The following RUFY1 variants were observed in gnomAD, a reference collection of about 807,000 sequenced individuals.
RUFY1 encodes RUN and FYVE domain containing 1.
RUFY1 carries 54 observed loss-of-function variants against 94.6 expected under a neutral mutation model. The observed-to-expected ratio is 0.57, with a 90% CI of 0.46 to 0.72. The LOEUF (loss-of-function observed/expected upper bound fraction) is 0.72, where lower values mean the gene tolerates loss of function less well. Ranked by LOEUF, RUFY1 falls within the 30% of genes least tolerant of loss-of-function variation. The pLI is 0.00. For synonymous variants in RUFY1, 396 were observed against 347.3 expected (o/e 1.14, Z -1.56); for missense variants, 883 against 883.9 (o/e 1.00, Z 0.01).
At chr5:179,576,956 C>G in intron 5 of RUFY1, 119 bp from the exon 6 acceptor site, 1 of 722,306 alleles carries the variant, frequency 1.4e-6, no homozygotes, top group South Asian at 1.7e-5. Context: ...ATAGAGCTGG[C>G]TGACCTAAAT....
chr5:179,559,770 C>G, intron 1 of RUFY1: 1 of 1,202,154 alleles, frequency 8.3e-7, no homozygotes, highest in Non-Finnish European at 1.0e-6. Context: ...CGCGCGGAGC[C>G]GTCTGGGAGA....
At chr5:179,595,627 C>T (rs1231262999) in intron 12 of RUFY1, among the ~76,000 whole-genome samples, 2 of 151,728 alleles carry the variant, frequency 1.3e-5, no homozygotes, top group African/African-American at 4.8e-5. Flanking sequence ...TCTCAGCTCA[C>T]CGCAATCTCT....
chr5:179,599,351 T>C (rs1339186485), intron 14 of RUFY1: 1 of 152,812 alleles, frequency 6.5e-6, no homozygotes, highest in African/African-American at 2.4e-5. Flanking sequence ...GGTGGTAGGC[T>C]CGCAGGAGAG....
intron 8 of RUFY1, among the ~76,000 whole-genome samples, chr5:179,587,136 C>T (rs1764668028): frequency 6.6e-6 from 1 of 151,766 alleles, no homozygotes; most frequent in African/African-American, 2.4e-5. Context: ...TTACTGTAAC[C>T]TCAGACTTCT....
intron 3 of RUFY1, among the ~76,000 whole-genome samples, chr5:179,566,467 G>A (rs1348257319): frequency 2.6e-5 from 4 of 151,888 alleles, no homozygotes; most frequent in Non-Finnish European, 5.9e-5. Context: ...TTAGCTGGGC[G>A]TGGTGGCAGG....
intron 15 of RUFY1, 49 bp from the exon 16 acceptor site, chr5:179,605,827 A>AGGGT: frequency 1.3e-5 from 14 of 1,104,822 alleles, no homozygotes; most frequent in East Asian, 2.3e-5. Context: ...AGGGATTCAG[A>AGGGT]GCCTCACTCT....
At chr5:179,600,768 C>G (rs9763010) in intron 14 of RUFY1, among the ~76,000 whole-genome samples, 1 of 127,262 alleles carries the variant, frequency 7.9e-6, no homozygotes, top group South Asian at 2.5e-4. Flanking sequence ...GTGATCTCGG[C>G]TCACTGCAAC....
intron 11 of RUFY1, 132 bp downstream of exon 11, chr5:179,593,777 A>G: frequency 7.2e-7 from 1 of 1,381,200 alleles, no homozygotes; most frequent in Non-Finnish European, 9.6e-7. Context: ...CCTAGGACCT[A>G]TTATGATTTT....
chr5:179,599,431 C>T (rs1344933726), intron 14 of RUFY1: 1 of 152,550 alleles, frequency 6.6e-6, no homozygotes, highest in Non-Finnish European at 1.5e-5. Context: ...TGCCCAGGGT[C>T]GGGTCATCCC....
At chr5:179,589,995 C>T (rs1764915738) in intron 9 of RUFY1, among the ~76,000 whole-genome samples, 1 of 152,210 alleles carries the variant, frequency 6.6e-6, no homozygotes, top group Non-Finnish European at 1.5e-5. Context: ...TTCCATGATA[C>T]AGTCCCTTTG....
rs1767552924 is a variant in RUFY1, at chr5:179,609,847, A to G, written c.*328A>G. On this transcript the variant is annotated 3_prime_UTR_variant, in exon 18 of 18. Transcript: ENST00000319449. ...TTACAGCAGTTCAGTTCTGCTAGTGAGTAGTTTTCCTCTCCTACCTTCCTT... is the reference window on the plus strand; with the variant it reads ...TTACAGCAGTTCAGTTCTGCTAGTGGGTAGTTTTCCTCTCCTACCTTCCTT... 4.6e-6 allele frequency: 1 copy of G among 216,916 alleles called. No homozygotes were observed. Among genetic ancestry groups the G allele is most frequent in the East Asian group, 1.1e-4 (1 of 8,886 alleles). 13.4% of individuals were successfully genotyped at this position (216,916 alleles called of 1,614,324 possible).
intron 14 of RUFY1, among the ~76,000 whole-genome samples, chr5:179,599,101 G>A (rs547529207): frequency 1.8e-3 from 269 of 152,360 alleles, no homozygotes; most frequent in African/African-American, 6.2e-3. Context: ...GGGAGCGACC[G>A]GTGAGCAGAG....
chr5:179,561,225 AAAT>A (rs1022646630), intron 2 of RUFY1, among the ~76,000 whole-genome samples: 1 of 99,078 alleles, frequency 1.0e-5, no homozygotes, highest in African/African-American at 3.6e-5. Context: ...ATAAATAAAT[AAAT>A]AAATTAATTA....
chr5:179,572,689 C>T (rs993148060), intron 5 of RUFY1: 16 of 170,554 alleles, frequency 9.4e-5, no homozygotes, highest in Non-Finnish European at 1.1e-4. Flanking sequence ...AGCCTGGTAG[C>T]GACAATGAAG....
chr5:179,559,520 C>T (rs769387555), intron 1 of RUFY1, among the ~76,000 whole-genome samples: 6 of 152,188 alleles, frequency 3.9e-5, no homozygotes, highest in Non-Finnish European at 8.8e-5. Flanking sequence ...GGGCGGGGTG[C>T]GCATCCTCCT....
chr5:179,583,236 G>T (rs1764301024), intron 7 of RUFY1, among the ~76,000 whole-genome samples: 1 of 151,562 alleles, frequency 6.6e-6, no homozygotes, highest in Admixed American at 6.6e-5. Flanking sequence ...GGAGGCAGAG[G>T]TTGTGGTGAG....
chr5:179,558,327 C>T (rs982086820), intron 1 of RUFY1, among the ~76,000 whole-genome samples: 1 of 152,252 alleles, frequency 6.6e-6, no homozygotes, highest in East Asian at 1.9e-4. Flanking sequence ...AATCCTAGCA[C>T]TTTGGGATGC....
intron 15 of RUFY1, among the ~76,000 whole-genome samples, chr5:179,605,263 A>G (rs1305314855): frequency 1.4e-5 from 2 of 145,824 alleles, no homozygotes; most frequent in Non-Finnish European, 3.0e-5. Flanking sequence ...TGGGCAATAT[A>G]GCAAGATCCT....
Position 179,598,739 on chromosome 5 carries a change from C to A in RUFY1, c.1679C>A (p.Ala560Asp), listed in dbSNP as rs1765960481. The change falls in exon 14 of 18, where the codon GCT (alanine) becomes GAT (aspartate). Residue 560 changes from alanine to aspartate, a missense_variant. Coordinates refer to ENST00000319449, the MANE Select transcript of RUFY1 (RefSeq NM_025158.5). ...ELKSEKEQRQALQRELQHEKD... is the reference protein window; with the variant it reads ...ELKSEKEQRQDLQRELQHEKD... Reference sequence around the variant, plus strand: ...AAATCAGAAAAAGAGCAAAGACAGGCTCTTCAGCGCGAATTACAGCACGAG... The same window carrying A: ...AAATCAGAAAAAGAGCAAAGACAGGATCTTCAGCGCGAATTACAGCACGAG... 27 of 1,614,154 alleles carry A rather than the reference C, an allele frequency of 1.7e-5. No individual in the cohort carries two copies. The highest frequency in any genetic ancestry group is 2.3e-5 in the Non-Finnish European group (27 of 1,179,994).
Sources: gnomAD v4.1 joint callset for allele counts (sites outside exome capture counted in the v4.1 genomes callset) on GRCh38, gnomAD v4.1.1 for gene constraint, MANE v1.5 for transcripts, NCBI Gene and HGNC (gene_info 2026-07-23, HGNC 2026-07-21) for gene names.